The following RBM23 variants were observed in gnomAD, a reference collection of about 807,000 sequenced individuals.
The protein encoded by RBM23 is RNA binding motif protein 23.
Under a neutral mutation model 56.2 loss-of-function variants are expected in RBM23, and 53 were observed. The observed-to-expected ratio is 0.94, with a 90% confidence interval of 0.76 to 1.19. RBM23 has a LOEUF of 1.19. Ranked by LOEUF, RBM23 falls within the 50% of genes most tolerant of loss-of-function variation. RBM23 has a pLI of 0.00. For synonymous variants in RBM23, 197 were observed against 198.5 expected (o/e 0.99, Z 0.06); for missense variants, 642 against 590.3 (o/e 1.09, Z -0.91).
At chr14:22,916,060 A>G (rs573773230) in intron 1 of RBM23, among the ~76,000 whole-genome samples, 1 of 152,270 alleles carries the variant, frequency 6.6e-6, no homozygotes, top group South Asian at 2.1e-4. Flanking sequence ...TACAAAAAAT[A>G]TAAAAATTAG....
chr14:22,906,214 TC>T lies in RBM23; in HGVS notation c.381del (p.Ser128ValfsTer31), dbSNP rs759455513. On this transcript the variant is annotated frameshift_variant, in exon 5 of 14. Transcript: ENST00000359890. LOFTEE classifies it high-confidence loss of function. Reference protein sequence around the residue: ...DHRREDRVHYRSPPLATGYRY... With the variant: ...DHRREDRVHYXSPPLATGYRY... ...TGATACCCAGTGGCAAGTGGAGGAC[TC>T]CTGTAATGCACACGATCCTCACGAC... 5 of 1,614,206 alleles carry T rather than the reference TC, an allele frequency of 3.1e-6. No individual in the cohort carries two copies. The highest frequency in any genetic ancestry group is 4.2e-6 in the Non-Finnish European group (5 of 1,180,032).
Position 22,908,321 on chromosome 14 carries a change from A to G in RBM23, c.227+12T>C. The G allele has an allele frequency of 6.5e-7, 1 of 1,549,868 alleles. No homozygotes were observed. The highest frequency in any genetic ancestry group is 8.7e-7 in the Non-Finnish European group (1 of 1,146,868). ...AGATACGAGCCACTGTGCCTGGCCCAGAATTACTGACCTGCGCTTTCTATC... is the reference window on the plus strand; with the variant it reads ...AGATACGAGCCACTGTGCCTGGCCCGGAATTACTGACCTGCGCTTTCTATC... On this transcript the variant is annotated intron_variant, in intron 4 of 13. Transcript: ENST00000359890.
chr14:22,911,968 G>A (rs2042606386), intron 1 of RBM23: 1 of 152,252 alleles, frequency 6.6e-6, no homozygotes, highest in East Asian at 1.9e-4. Context: ...AATAGTCAAG[G>A]ATATAGAAGA....
At chr14:22,911,464 C>T (rs1771439457) in intron 1 of RBM23, 61 bp from the exon 2 acceptor site, 2 of 1,369,308 alleles carry the variant, frequency 1.5e-6, no homozygotes, top group Non-Finnish European at 2.1e-6. Flanking sequence ...TTTCCAGCAC[C>T]ACACATTTCT....
intron 4 of RBM23, 76 bp downstream of exon 4, chr14:22,908,257 G>GTTT: frequency 6.7e-7 from 1 of 1,495,720 alleles, no homozygotes; most frequent in African/African-American, 1.4e-5. Context: ...CTGGCCTGAA[G>GTTT]TGATCCTCCC....
intron 1 of RBM23, among the ~76,000 whole-genome samples, chr14:22,918,699 G>A (rs1436938676): frequency 6.6e-6 from 1 of 152,068 alleles, no homozygotes; most frequent in Non-Finnish European, 1.5e-5. Context: ...CAGTGTGGGC[G>A]ACCCTAAGTG....
chr14:22,905,454 CTGAAGAG>C lies in RBM23; in HGVS notation c.456-8_456-2del. ...AGGACTCAGATTATCAACTGGCTCC[CTGAAGAG>C]TGAAATGTGTTGAGACCAGCCCTCC... On this transcript the variant is annotated splice_acceptor_variant and splice_polypyrimidine_tract_variant and intron_variant, in intron 6 of 13. Coordinates refer to ENST00000359890, the MANE Select transcript of RBM23 (RefSeq NM_001077351.2). LOFTEE classifies it high-confidence loss of function. The C allele has an allele frequency of 6.2e-7, 1 of 1,614,100 alleles. No individual in the cohort carries two copies. Among genetic ancestry groups the C allele is most frequent in the Non-Finnish European group, 8.5e-7 (1 of 1,179,990 alleles).
Position 22,899,098 on chromosome 14 carries a change from C to T in RBM23, c.*2632G>A, listed in dbSNP as rs759987302. On this transcript the variant is annotated 3_prime_UTR_variant, in exon 14 of 14. Transcript: ENST00000359890. ...GAAATGCTGTGGTTTGAATGTGTCC[C>T]CCAAAAGTTCACATTGGAAATTTGA... 7 of 152,080 alleles carry T rather than the reference C, an allele frequency of 4.6e-5. No homozygotes were observed. Among genetic ancestry groups the T allele is most frequent in the Non-Finnish European group, 8.8e-5 (6 of 68,036 alleles). The allele number at this position is 152,080 out of a possible 1,614,324, so 9.4% of individuals were successfully genotyped here. A position where few individuals can be genotyped will look rare whatever the true frequency, so the allele number is the denominator to read the frequency against.
At chr14:22,912,784 G>A (rs933346786) in intron 1 of RBM23, among the ~76,000 whole-genome samples, 1 of 148,264 alleles carries the variant, frequency 6.7e-6, no homozygotes, top group Admixed American at 6.8e-5. Flanking sequence ...GGTCAACGAC[G>A]AGGTCAACAT....
chr14:22,908,403 CTTTT>C (rs747437175), intron 3 of RBM23, 23 bp from the exon 4 acceptor site: 89 of 1,301,964 alleles, frequency 6.8e-5, no homozygotes, highest in Non-Finnish European at 8.6e-5. Flanking sequence ...GTACATTCTT[CTTTT>C]TTTTTTTTTA....
rs2138841028 is a variant in RBM23 at position 22,895,551 on chromosome 14, G to A, written c.*6179C>T. 6.6e-6 allele frequency: 1 copy of A among 152,276 alleles called. No homozygotes were observed. The highest frequency in any genetic ancestry group is 2.4e-5 in the African/African-American group (1 of 41,502). The allele number at this position is 152,276 out of a possible 1,614,324, so 9.4% of individuals were successfully genotyped here. On this transcript the variant is annotated 3_prime_UTR_variant, in exon 14 of 14. Coordinates refer to ENST00000359890, the MANE Select transcript of RBM23 (RefSeq NM_001077351.2). ...CACCTATAATCCTAGCACTTTGGGA[G>A]GCTAAGGAGGGAGGATCACTTAAGC...
intron 10 of RBM23, chr14:22,903,904 A>G (rs768570834): frequency 4.2e-6 from 5 of 1,193,436 alleles, no homozygotes; most frequent in African/African-American, 1.6e-5. Flanking sequence ...CTGTTATGAG[A>G]AACATCAATT....
At chr14:22,908,219 C>T in intron 4 of RBM23, 114 bp downstream of exon 4, 2 of 1,143,452 alleles carry the variant, frequency 1.7e-6, no homozygotes, top group Non-Finnish European at 2.4e-6. Context: ...CAGGATTTTG[C>T]TATGTTGCCC....
In RBM23 at chr14:22,905,219, G is replaced by C. The variant is rs200939376; in HGVS notation, c.601C>G (p.Arg201Gly). Residue 201 changes from arginine to glycine, a missense_variant, in exon 8 of 14, where the codon CGG becomes GGG. By Grantham distance (125) the Arg-to-Gly change is moderately radical (BLOSUM62 -2). Coordinates refer to ENST00000359890, the MANE Select transcript of RBM23 (RefSeq NM_001077351.2). ...ATGCCCTTAGAACGACGTGAGTTCC[G>C]ATCTGAGATGATACGTACATCGCGA... ...KVRDVRIISD[R>G]NSRRSKGIAY... The C allele has an allele frequency of 2.5e-6, 4 of 1,614,138 alleles. No individual in the cohort carries two copies. The highest frequency in any genetic ancestry group is 3.4e-6 in the Non-Finnish European group (4 of 1,180,020).
chr14:22,902,169 C>G lies in RBM23; in HGVS notation c.1126+18G>C. 6.2e-7 allele frequency: 1 copy of G among 1,612,336 alleles called. No individual in the cohort carries two copies. Among genetic ancestry groups the G allele is most frequent in the Non-Finnish European group, 8.5e-7 (1 of 1,178,498 alleles). On this transcript the variant is annotated intron_variant, in intron 11 of 13. Transcript: ENST00000359890. ...TAAAATTCAACCCCATAATCTTCACCTTGCGGAGATATTTTACCTTCTGCC... is the reference window on the plus strand; with the variant it reads ...TAAAATTCAACCCCATAATCTTCACGTTGCGGAGATATTTTACCTTCTGCC...
intron 1 of RBM23, among the ~76,000 whole-genome samples, chr14:22,914,986 C>A (rs372022817): frequency 7.3e-3 from 743 of 101,582 alleles, no homozygotes; most frequent in African/African-American, 8.3e-3. Flanking sequence ...GACTCCATCT[C>A]AAAAAAAAAA....
At position 22,906,013 on chromosome 14, in the gene RBM23, G is replaced by C. The variant is rs980083926; in HGVS notation, c.401+182C>G. 6.4e-5 allele frequency: 45 copies of C among 702,772 alleles called. No homozygotes were observed. The Admixed American group carries it at 1.2e-3, about 18-fold the overall frequency. The allele number at this position is 702,772 out of a possible 1,614,324, so 43.5% of individuals were successfully genotyped here. Reference sequence around the variant, plus strand: ...GATCTTCTGGCCTCAGTCTCCCAAAGTGCTGGGATTACAGGCATGAGCCAC... The same window carrying C: ...GATCTTCTGGCCTCAGTCTCCCAAACTGCTGGGATTACAGGCATGAGCCAC... On this transcript the variant is annotated intron_variant, in intron 5 of 13. Transcript: ENST00000359890.
In RBM23 at chr14:22,905,595, T is replaced by C. The variant is rs1468090058; in HGVS notation, c.455+11A>G. On this transcript the variant is annotated intron_variant, in intron 6 of 13. Coordinates refer to ENST00000359890, the MANE Select transcript of RBM23 (RefSeq NM_001077351.2). ...TCACAATCCCTAAAACAGTGTTCAT[T>C]ATCAACCCACCTGACTGGGCTCTTC... The C allele has an allele frequency of 1.9e-6, 3 of 1,610,116 alleles. No individual in the cohort carries two copies. In the South Asian group the frequency reaches 3.3e-5, roughly 18 times the overall value.
chr14:22,901,225 A>G lies in RBM23; in HGVS notation c.*505T>C, dbSNP rs904415444. 5 of 162,416 alleles carry G rather than the reference A, an allele frequency of 3.1e-5. No individual in the cohort carries two copies. The highest frequency in any genetic ancestry group is 1.8e-4 in the Admixed American group (3 of 16,782). 10.1% of individuals were successfully genotyped at this position (162,416 alleles called of 1,614,324 possible). On this transcript the variant is annotated 3_prime_UTR_variant, in exon 14 of 14. Coordinates refer to ENST00000359890, the MANE Select transcript of RBM23 (RefSeq NM_001077351.2). ...GCTAAGGTCTGAGGCTGGCTTCTCA[A>G]TGCACGTCCATGCTATCTCCCAGGG...
Sources: gnomAD v4.1 joint callset for allele counts (sites outside exome capture counted in the v4.1 genomes callset) on GRCh38, gnomAD v4.1.1 for gene constraint, MANE v1.5 for transcripts, NCBI Gene and HGNC (gene_info 2026-07-23, HGNC 2026-07-21) for gene names.